Variants in ASIC2 observed in about 807,000 individuals in gnomAD.
The protein encoded by ASIC2 is acid sensing ion channel subunit 2, also known as acid-sensing ion channel 2.
In ASIC2, 25 loss-of-function variants were observed where a neutral mutation model predicts 57.3. The observed-to-expected ratio is 0.44, with a 90% CI of 0.32 to 0.61. ASIC2 has a LOEUF of 0.61. ASIC2 is among the 20% of genes least tolerant of loss of function. The pLI, the probability that ASIC2 is intolerant of heterozygous loss-of-function variation, is 0.06. For missense variants in ASIC2, 641 were observed against 738.1 expected, an observed-to-expected ratio of 0.87 and a Z score of 1.52; for synonymous variants, 319 against 307.5, an observed-to-expected ratio of 1.04 and a Z score of -0.39.
chr17:33,938,758 C>G (rs1916121953), intron 1 of ASIC2, among the ~76,000 whole-genome samples: 1 of 152,204 alleles, frequency 6.6e-6, no homozygotes, highest in South Asian at 2.1e-4. Flanking sequence ...TTCTCACCCT[C>G]TACCCACCTC....
At chr17:34,051,023 C>A (rs1908535201) in intron 1 of ASIC2, among the ~76,000 whole-genome samples, 1 of 152,186 alleles carries the variant, frequency 6.6e-6, no homozygotes, top group South Asian at 2.1e-4. Context: ...TGCTGCTGAT[C>A]TGGAGAAAGA....
chr17:34,105,377 C>G (rs1911007951), intron 1 of ASIC2, among the ~76,000 whole-genome samples: 1 of 150,736 alleles, frequency 6.6e-6, no homozygotes, highest in Admixed American at 6.6e-5. Flanking sequence ...AGAAGTTTAT[C>G]AAATGTATTA....
At chr17:33,485,312 C>G (rs1386078598) in intron 1 of ASIC2, among the ~76,000 whole-genome samples, 5 of 152,240 alleles carry the variant, frequency 3.3e-5, no homozygotes, top group Non-Finnish European at 7.3e-5. Context: ...TTAGGAATGG[C>G]TGCCCAGGGT....
At chr17:33,456,667 G>A (rs911648583) in intron 1 of ASIC2, among the ~76,000 whole-genome samples, 2 of 152,202 alleles carry the variant, frequency 1.3e-5, no homozygotes, top group Non-Finnish European at 2.9e-5. Context: ...GCTAGAGTAA[G>A]GAGCGTTTGT....
intron 1 of ASIC2, among the ~76,000 whole-genome samples, chr17:33,208,087 G>T (rs1053595953): frequency 4.6e-5 from 7 of 152,194 alleles, no homozygotes; most frequent in African/African-American, 1.7e-4. Context: ...ATGGAGAAGT[G>T]AGAGGCTGTG....
chr17:34,109,675 C>T (rs1911196872), intron 1 of ASIC2, among the ~76,000 whole-genome samples: 1 of 152,210 alleles, frequency 6.6e-6, no homozygotes, highest in Non-Finnish European at 1.5e-5. Context: ...AACGGAGTCT[C>T]ACTGTTATAT....
At chr17:33,214,754 C>G (rs1907413719) in intron 1 of ASIC2, among the ~76,000 whole-genome samples, 1 of 152,158 alleles carries the variant, frequency 6.6e-6, no homozygotes, top group South Asian at 2.1e-4. Context: ...GAGGGAATGA[C>G]AGAAACCACA....
At chr17:33,018,184 A>G (rs546409922) in intron 7 of ASIC2, among the ~76,000 whole-genome samples, 2 of 152,322 alleles carry the variant, frequency 1.3e-5, no homozygotes, top group Admixed American at 1.3e-4. Context: ...TCCCCCATCC[A>G]AAAGTTAGTG....
chr17:33,056,777 G>T (rs979875064), intron 3 of ASIC2, among the ~76,000 whole-genome samples: 1 of 152,220 alleles, frequency 6.6e-6, no homozygotes, highest in Non-Finnish European at 1.5e-5. Context: ...CCAGTGAGCT[G>T]CTGTCATCAG....
chr17:33,295,076 G>A (rs528578051), upstream of ASIC2, among the ~76,000 whole-genome samples: 4 of 152,348 alleles, frequency 2.6e-5, no homozygotes, highest in South Asian at 6.2e-4. Context: ...AATCTGGAGT[G>A]GCATGAAGCT....
chr17:33,170,970 C>T (rs991831), intron 1 of ASIC2, among the ~76,000 whole-genome samples: 7,858 of 152,246 alleles, frequency 0.052, 506 homozygotes, highest in African/African-American at 0.14. Context: ...TTCCCCTCTA[C>T]AGGCCTTCAG....
At chr17:34,049,314 C>G (rs1908457311) in intron 1 of ASIC2, among the ~76,000 whole-genome samples, 1 of 152,006 alleles carries the variant, frequency 6.6e-6, no homozygotes, top group Admixed American at 6.6e-5. Flanking sequence ...AACAAACAAA[C>G]AAGAAATATG....
intron 1 of ASIC2, among the ~76,000 whole-genome samples, chr17:34,074,156 C>G (rs1476604643): frequency 6.6e-6 from 1 of 152,142 alleles, no homozygotes; most frequent in African/African-American, 2.4e-5. Context: ...ATCAGAAACT[C>G]AGGAGTGTAA....
intron 1 of ASIC2, among the ~76,000 whole-genome samples, chr17:33,398,264 G>A (rs1199644466): frequency 6.6e-6 from 1 of 150,868 alleles, no homozygotes; most frequent in Non-Finnish European, 1.5e-5. Context: ...CCAGCATTTA[G>A]AATGGGCCCC....
intron 1 of ASIC2, among the ~76,000 whole-genome samples, chr17:33,504,382 A>T (rs1273576098): frequency 6.6e-6 from 1 of 152,210 alleles, no homozygotes; most frequent in Non-Finnish European, 1.5e-5. Flanking sequence ...TCTGTTTCCC[A>T]GGCTGGAGTG....
At chr17:33,220,445 G>A (rs1300169711) in intron 1 of ASIC2, among the ~76,000 whole-genome samples, 2 of 152,106 alleles carry the variant, frequency 1.3e-5, no homozygotes, top group Admixed American at 6.5e-5. Flanking sequence ...GTGGTTTCCC[G>A]CCCCTTGGGA....
At chr17:33,909,325 T>C in intron 1 of ASIC2, among the ~76,000 whole-genome samples, 1 of 152,244 alleles carries the variant, frequency 6.6e-6, no homozygotes, top group African/African-American at 2.4e-5. Context: ...GGTGAGGCCA[T>C]TCTCCATTCC....
At chr17:34,009,569 T>C (rs1252177458) in intron 1 of ASIC2, among the ~76,000 whole-genome samples, 1 of 152,240 alleles carries the variant, frequency 6.6e-6, no homozygotes, top group Non-Finnish European at 1.5e-5. Flanking sequence ...CTTTTAACTT[T>C]TTAAAATGTG....
chr17:33,970,757 G>GT (rs1250973531), intron 1 of ASIC2, among the ~76,000 whole-genome samples: 5 of 152,196 alleles, frequency 3.3e-5, no homozygotes, highest in Non-Finnish European at 1.5e-5. Flanking sequence ...AGCCAGCAGG[G>GT]AAAGGTGTCC....
Sources: gnomAD v4.1 joint callset for allele counts (sites outside exome capture counted in the v4.1 genomes callset) on GRCh38, gnomAD v4.1.1 for gene constraint, MANE v1.5 for transcripts, NCBI Gene and HGNC (gene_info 2026-07-23, HGNC 2026-07-21) for gene names.